The following VPS54 variants were observed in gnomAD, a reference collection of about 807,000 sequenced individuals.
VPS54 encodes the protein VPS54 subunit of GARP complex.
Under a neutral mutation model 121.5 loss-of-function variants are expected in VPS54, and 45 were observed. That is an observed-to-expected ratio of 0.37 (90% confidence interval 0.29 to 0.47). The LOEUF is 0.47. VPS54 is among the 20% of genes least tolerant of loss of function. The pLI, the probability that VPS54 is intolerant of heterozygous loss-of-function variation, is 0.99. For missense variants in VPS54, 1,090 were observed against 1,131.4 expected (o/e 0.96, Z 0.52); for synonymous variants, 371 against 385.8 (o/e 0.96, Z 0.45).
At chr2:64,018,745 A>AG (rs1188219197) in intron 1 of VPS54, among the ~76,000 whole-genome samples, 193 bp downstream of exon 1, 1 of 89,406 alleles carries the variant, frequency 1.1e-5, no homozygotes, top group African/African-American at 4.3e-5. Flanking sequence ...GAGAGTGAAA[A>AG]GGAAAAAAAA....
At chr2:63,945,182 C>A (rs1252832278) in intron 9 of VPS54, among the ~76,000 whole-genome samples, 3 of 151,970 alleles carry the variant, frequency 2.0e-5, no homozygotes, top group South Asian at 2.1e-4. Flanking sequence ...ATGTGGTACA[C>A]GTACACCATG....
intron 20 of VPS54, among the ~76,000 whole-genome samples, chr2:63,905,441 T>A (rs549274631): frequency 6.6e-6 from 1 of 151,560 alleles, no homozygotes; most frequent in African/African-American, 2.4e-5. Context: ...ACAGATGAAA[T>A]AGATAAATCC....
chr2:63,932,270 A>G (rs557002686), intron 12 of VPS54, among the ~76,000 whole-genome samples: 11 of 152,354 alleles, frequency 7.2e-5, no homozygotes, highest in Admixed American at 7.2e-4. Context: ...AGGTTCATCA[A>G]TGATAGACTG....
intron 20 of VPS54, among the ~76,000 whole-genome samples, chr2:63,909,448 G>A (rs1673042252): frequency 1.9e-5 from 2 of 107,854 alleles, no homozygotes; most frequent in Non-Finnish European, 3.4e-5. Context: ...TTGAGATGGA[G>A]TCTCACTCTG....
At chr2:63,920,159 A>G (rs1328741937) in intron 14 of VPS54, among the ~76,000 whole-genome samples, 164 bp from the exon 15 acceptor site, 1 of 152,158 alleles carries the variant, frequency 6.6e-6, no homozygotes, top group African/African-American at 2.4e-5. Context: ...CCCTTTTTAT[A>G]TCTCAGCCTA....
At chr2:63,929,175 T>A (rs915499454) in intron 12 of VPS54, among the ~76,000 whole-genome samples, 2 of 152,154 alleles carry the variant, frequency 1.3e-5, no homozygotes, top group Non-Finnish European at 2.9e-5. Flanking sequence ...CTAATAGACA[T>A]CTGCAGAACT....
In VPS54 at chr2:63,983,869, G is replaced by A. The variant is rs1221484682; in HGVS notation, c.131C>T (p.Pro44Leu). The part of the protein sequence containing the change: ...PSLPDVCPKE[P>L]TGDSHSLYVA... Reference sequence around the variant, plus strand: ...ACAAAAAAAAAAAGCATTACCTGTGGGTTCCTTGGGACACACATCTGGCAG... The same window carrying A: ...ACAAAAAAAAAAAGCATTACCTGTGAGTTCCTTGGGACACACATCTGGCAG... The change falls in exon 2 of 23, where the codon CCC (proline) becomes CTC (leucine). Residue 44 changes from proline (P) to leucine (L), a missense_variant. Pro to Leu is a moderately conservative substitution (Grantham distance 98, BLOSUM62 -3). Coordinates refer to ENST00000272322, the MANE Select transcript of VPS54 (RefSeq NM_016516.3). 6.3e-7 allele frequency: 1 copy of A among 1,594,534 alleles called. No homozygotes were observed. The highest frequency in any genetic ancestry group is 8.5e-7 in the Non-Finnish European group (1 of 1,172,124).
At chr2:63,897,086 ATATAT>A (rs1208025994) in intron 22 of VPS54, among the ~76,000 whole-genome samples, 1 of 152,192 alleles carries the variant, frequency 6.6e-6, no homozygotes, top group Non-Finnish European at 1.5e-5. Flanking sequence ...ATATACACAC[ATATAT>A]TATTTTTCAT....
intron 6 of VPS54, among the ~76,000 whole-genome samples, chr2:63,963,424 T>A (rs1165498381): frequency 6.6e-6 from 1 of 152,070 alleles, no homozygotes; most frequent in Non-Finnish European, 1.5e-5. Flanking sequence ...TATTCACCCA[T>A]TTTTTTACTT....
At position 63,932,473 on chromosome 2, in the gene VPS54, C is replaced by A. The variant is rs371119653; in HGVS notation, c.1739+1200G>T. Reference sequence around the variant, plus strand: ...GCTGAACAATGAGAACACGTGGACACAGGGAGGGGAACATCACACACCAGG... The same window carrying A: ...GCTGAACAATGAGAACACGTGGACAAAGGGAGGGGAACATCACACACCAGG... On this transcript the variant is annotated intron_variant, in intron 12 of 22. Coordinates refer to ENST00000272322, the MANE Select transcript of VPS54 (RefSeq NM_016516.3). Among the ~76,000 whole-genome samples the A allele has an allele frequency of 2.0e-5, 3 of 151,930 alleles. No individual in the cohort carries two copies. In the East Asian group the frequency reaches 5.8e-4, roughly 29 times the overall value.
intron 21 of VPS54, 102 bp downstream of exon 21, chr2:63,899,372 A>G (rs1672579586): frequency 1.1e-6 from 1 of 932,578 alleles, no homozygotes; most frequent in African/African-American, 1.7e-5. Flanking sequence ...ATCATATTGG[A>G]ACATGAACAG....
intron 15 of VPS54, among the ~76,000 whole-genome samples, chr2:63,918,957 T>C (rs1355956603): frequency 6.6e-6 from 1 of 152,098 alleles, no homozygotes; most frequent in Non-Finnish European, 1.5e-5. Context: ...TTACTGTTGG[T>C]GTTTTACTCA....
chr2:63,922,140 C>T (rs1039690590), intron 12 of VPS54, among the ~76,000 whole-genome samples: 1 of 152,128 alleles, frequency 6.6e-6, no homozygotes, highest in Non-Finnish European at 1.5e-5. Context: ...TTTCAAGGAA[C>T]CTAAACTCAA....
intron 7 of VPS54, among the ~76,000 whole-genome samples, chr2:63,949,803 C>A (rs1423672054): frequency 6.6e-6 from 1 of 152,106 alleles, no homozygotes; most frequent in African/African-American, 2.4e-5. Context: ...TTTTGCATTT[C>A]TCTAAAAATG....
At chr2:63,912,697 T>TAA (rs761865686) in intron 18 of VPS54, 36 bp from the exon 19 acceptor site, 38 of 1,200,920 alleles carry the variant, frequency 3.2e-5, no homozygotes, top group Middle Eastern at 2.2e-4. Context: ...AATGGAGAAA[T>TAA]AAAAAAAAAA....
intron 22 of VPS54, among the ~76,000 whole-genome samples, chr2:63,895,345 T>A (rs1272462458): frequency 1.3e-5 from 2 of 152,130 alleles, no homozygotes; most frequent in African/African-American, 2.4e-5. Flanking sequence ...TCCCAGCTAC[T>A]TGGGAGGCTG....
At chr2:63,971,121 T>C (rs1435886861) in intron 4 of VPS54, among the ~76,000 whole-genome samples, 1 of 152,234 alleles carries the variant, frequency 6.6e-6, no homozygotes, top group Non-Finnish European at 1.5e-5. Context: ...TGAATCATTT[T>C]GCTCCATTAC....
intron 7 of VPS54, among the ~76,000 whole-genome samples, chr2:63,957,311 G>T (rs915646883): frequency 1.3e-5 from 2 of 151,490 alleles, no homozygotes; most frequent in African/African-American, 4.9e-5. Flanking sequence ...GTGTGGTGGC[G>T]GGCACCTGTA....
chr2:63,993,780 C>T (rs963078285), intron 1 of VPS54, among the ~76,000 whole-genome samples: 1 of 152,126 alleles, frequency 6.6e-6, no homozygotes, highest in Non-Finnish European at 1.5e-5. Flanking sequence ...CCTCGATTGA[C>T]CAAAGATCAG....
Sources: allele counts gnomAD v4.1 joint callset (sites outside exome capture counted in the v4.1 genomes callset), GRCh38; gene constraint gnomAD v4.1.1; transcripts MANE v1.5; gene names NCBI Gene and HGNC (gene_info 2026-07-23, HGNC 2026-07-21).